SHANK2: variants seen among roughly 807,000 people sequenced by gnomAD.
SHANK2 encodes SH3 and multiple ankyrin repeat domains protein 2.
SHANK2 carries 43 observed loss-of-function variants against 133.7 expected under a neutral mutation model. That is an observed-to-expected ratio of 0.32 (90% CI 0.25 to 0.41). The LOEUF (loss-of-function observed/expected upper bound fraction) is 0.41, where lower values mean the gene tolerates loss of function less well. SHANK2 is among the 10% of genes least tolerant of loss of function. The pLI, the probability that SHANK2 is intolerant of heterozygous loss-of-function variation, is 1.00. For synonymous variants in SHANK2, 1,017 were observed against 952.8 expected, an observed-to-expected ratio of 1.07 and a Z score of -1.24; for missense variants, 1,994 against 2,235.8, an observed-to-expected ratio of 0.89 and a Z score of 2.18.
At chr11:71,068,135 T>C (rs1464227213) in intron 9 of SHANK2, among the ~76,000 whole-genome samples, 1 of 152,096 alleles carries the variant, frequency 6.6e-6, no homozygotes, top group Non-Finnish European at 1.5e-5. Flanking sequence ...ATGAACATGA[T>C]CACCGTCACT....
At chr11:70,800,693 T>G (rs1424629254) in intron 13 of SHANK2, among the ~76,000 whole-genome samples, 2 of 152,180 alleles carry the variant, frequency 1.3e-5, no homozygotes, top group African/African-American at 4.8e-5. Context: ...AAGCATCTCC[T>G]CCAAAACTCG....
chr11:70,600,720 G>A (rs2060484550), intron 17 of SHANK2, among the ~76,000 whole-genome samples: 1 of 152,160 alleles, frequency 6.6e-6, no homozygotes, highest in Admixed American at 6.5e-5. Flanking sequence ...GCTGCTGGAA[G>A]GATGGGGTGT....
chr11:71,155,129 A>C (rs1205312145), intron 2 of SHANK2, among the ~76,000 whole-genome samples: 5 of 72,442 alleles, frequency 6.9e-5, no homozygotes, highest in Admixed American at 1.5e-4. Context: ...GGGTGGACCT[A>C]CCCCAGCCCA....
chr11:70,901,033 C>T (rs1555076627), intron 10 of SHANK2, among the ~76,000 whole-genome samples: 1 of 152,150 alleles, frequency 6.6e-6, no homozygotes, highest in East Asian at 1.9e-4. Flanking sequence ...CCACACGCTG[C>T]TCTGAGTGAG....
chr11:71,121,688 T>C (rs1555101506), intron 3 of SHANK2, among the ~76,000 whole-genome samples: 2 of 152,240 alleles, frequency 1.3e-5, no homozygotes, highest in Non-Finnish European at 2.9e-5. Context: ...CTAGTGTTTT[T>C]ATGGTTTTAG....
intron 17 of SHANK2, among the ~76,000 whole-genome samples, chr11:70,607,039 A>G (rs782087105): frequency 1.1e-4 from 17 of 152,134 alleles, no homozygotes; most frequent in Non-Finnish European, 1.8e-4. Flanking sequence ...GCCCCTCCAC[A>G]TAGCCGGGGT....
intron 2 of SHANK2, among the ~76,000 whole-genome samples, chr11:71,214,194 G>A (rs1397426538): frequency 6.6e-6 from 1 of 152,164 alleles, no homozygotes; most frequent in Non-Finnish European, 1.5e-5. Context: ...CAGGGCTCAT[G>A]CCCCCTGCTC....
At chr11:71,109,795 A>G (rs914531990) in intron 6 of SHANK2, 146 bp downstream of exon 6, 1 of 666,196 alleles carries the variant, frequency 1.5e-6, no homozygotes, top group Non-Finnish European at 2.7e-6. Context: ...CTGAGAAGAC[A>G]GAGGAGAGTG....
chr11:70,896,202 T>C (rs1007011135), intron 11 of SHANK2, among the ~76,000 whole-genome samples: 5 of 152,190 alleles, frequency 3.3e-5, no homozygotes, highest in Non-Finnish European at 5.9e-5. Context: ...ACTAAATCAA[T>C]GATGTTCACA....
At position 71,164,692 on chromosome 11, in the gene SHANK2, T is replaced by C. The variant is rs1555110486; in HGVS notation, c.-12-17354A>G. On this transcript the variant is annotated intron_variant, in intron 2 of 25. Transcript: ENST00000601538. ...GAGATGTGCCTGTTACTAAACATATTTAGTGTATAGATGTTCTTGTACACT... is the reference window on the plus strand; with the variant it reads ...GAGATGTGCCTGTTACTAAACATATCTAGTGTATAGATGTTCTTGTACACT... Among the ~76,000 whole-genome samples, 6 of 152,332 alleles carry C rather than the reference T, an allele frequency of 3.9e-5. No homozygotes were observed. In the Middle Eastern group the frequency reaches 0.017, roughly 432 times the overall value.
chr11:70,731,175 A>C (rs1555032080), intron 14 of SHANK2, among the ~76,000 whole-genome samples: 1 of 152,202 alleles, frequency 6.6e-6, no homozygotes, highest in African/African-American at 2.4e-5. Context: ...AAGAGAAAGA[A>C]ACACCTGTGC....
chr11:70,929,821 T>C (rs1950478030), intron 10 of SHANK2, among the ~76,000 whole-genome samples: 1 of 152,204 alleles, frequency 6.6e-6, no homozygotes. Context: ...GACATTCTTT[T>C]AGCAACTGCA....
At chr11:70,928,572 A>G (rs534262522) in intron 10 of SHANK2, among the ~76,000 whole-genome samples, 2 of 152,292 alleles carry the variant, frequency 1.3e-5, no homozygotes, top group Admixed American at 6.5e-5. Context: ...AGCCTGTGGT[A>G]ACAGAAAAAG....
intron 17 of SHANK2, among the ~76,000 whole-genome samples, chr11:70,591,082 T>C (rs1001304297): frequency 6.6e-6 from 1 of 152,136 alleles, no homozygotes; most frequent in Non-Finnish European, 1.5e-5. Context: ...TGGCTCACGT[T>C]TGTCATCCCA....
At chr11:70,707,560 C>G (rs1945693362) in intron 14 of SHANK2, among the ~76,000 whole-genome samples, 1 of 151,990 alleles carries the variant, frequency 6.6e-6, no homozygotes, top group South Asian at 2.1e-4. Flanking sequence ...TTAGACAAGA[C>G]AAGCTCGAGC....
At chr11:71,112,307 C>T (rs781682073) in intron 5 of SHANK2, among the ~76,000 whole-genome samples, 70 of 152,180 alleles carry the variant, frequency 4.6e-4, no homozygotes, top group Admixed American at 1.8e-3. Context: ...GCAGAAGGAT[C>T]GCTTGAACCC....
chr11:70,608,188 C>T (rs782508843), intron 17 of SHANK2, among the ~76,000 whole-genome samples: 2 of 152,180 alleles, frequency 1.3e-5, no homozygotes. Flanking sequence ...GGTTTTGCCA[C>T]GTAGCCCAGC....
intron 1 of SHANK2, among the ~76,000 whole-genome samples, chr11:71,241,886 G>A (rs1954897564): frequency 1.3e-5 from 2 of 152,220 alleles, no homozygotes; most frequent in Non-Finnish European, 2.9e-5. Context: ...GGGGCTGGAC[G>A]CTGCTTTTGA....
At chr11:70,651,823 G>T (rs956601188) in intron 17 of SHANK2, among the ~76,000 whole-genome samples, 2 of 152,170 alleles carry the variant, frequency 1.3e-5, no homozygotes, top group African/African-American at 4.8e-5. Flanking sequence ...AACATCAGCT[G>T]GTGTTTGGTC....
Sources: gnomAD v4.1 joint callset for allele counts (sites outside exome capture counted in the v4.1 genomes callset) on GRCh38, gnomAD v4.1.1 for gene constraint, MANE v1.5 for transcripts, NCBI Gene and HGNC (gene_info 2026-07-23, HGNC 2026-07-21) for gene names.